ZNF568: variants seen among roughly 807,000 people sequenced by gnomAD.
The protein encoded by ZNF568 is zinc finger protein 568.
ZNF568 carries 11 observed loss-of-function variants against 18.1 expected under a neutral mutation model. The observed-to-expected ratio is 0.61, with a 90% CI of 0.38 to 1.00. The LOEUF is 1.00. ZNF568 is among the 50% of genes least tolerant of loss of function. The pLI is 0.01. For missense variants in ZNF568, 639 were observed against 768.2 expected, an observed-to-expected ratio of 0.83 and a Z score of 1.99; for synonymous variants, 213 against 246.6, an observed-to-expected ratio of 0.86 and a Z score of 1.28.
At chr19:36,960,721 T>TC (rs1174921385) in intron 6 of ZNF568, among the ~76,000 whole-genome samples, 1 of 147,338 alleles carries the variant, frequency 6.8e-6, no homozygotes, top group Non-Finnish European at 1.5e-5. Flanking sequence ...AGAGTGAAAC[T>TC]CCATCTCAAA....
At chr19:36,983,876 C>T (rs1304576260), downstream of ZNF568, among the ~76,000 whole-genome samples, 1 of 143,804 alleles carries the variant, frequency 7.0e-6, no homozygotes, top group Non-Finnish European at 1.5e-5. Context: ...TTTTTGACAA[C>T]TTTGACCAAC....
At chr19:36,974,431 G>A (rs1568403450) in exon 7 of ZNF568, 10 of 1,536,108 alleles carry the variant, frequency 6.5e-6, no homozygotes, top group Non-Finnish European at 8.7e-6. Flanking sequence ...ACCCAGAAGA[G>A]GAGAGAACTG....
chr19:36,976,364 A>G (rs2074285290), intron 7 of ZNF568: 1 of 152,128 alleles, frequency 6.6e-6, no homozygotes, highest in African/African-American at 2.4e-5. Flanking sequence ...ACCCTATTAG[A>G]CAGGTATGAC....
chr19:36,958,635 T>TTTTTTTTTTTTTTTTTTTTTTTTTTC (rs1568398128), intron 6 of ZNF568, among the ~76,000 whole-genome samples: 3 of 145,250 alleles, frequency 2.1e-5, no homozygotes, highest in African/African-American at 7.7e-5. Flanking sequence ...TTTTTTTTTT[T>TTTTTTTTTTTTTTTTTTTTTTTTTTC]TTTGAGACAG....
chr19:36,991,361 A>C, intron 3 of ZNF568: 1 of 1,454,018 alleles, frequency 6.9e-7, no homozygotes. Context: ...GGCCTTCTGG[A>C]ATTCTTATGT....
chr19:36,990,602 G>A (rs2074415386), intron 2 of ZNF568, among the ~76,000 whole-genome samples: 1 of 152,186 alleles, frequency 6.6e-6, no homozygotes, highest in Non-Finnish European at 1.5e-5. Flanking sequence ...GCACCCAAGT[G>A]AGACTCTGTC....
chr19:36,969,721 C>T (rs2074222125), intron 6 of ZNF568, among the ~76,000 whole-genome samples: 1 of 151,336 alleles, frequency 6.6e-6, no homozygotes, highest in African/African-American at 2.4e-5. Flanking sequence ...TCCTGCCTTC[C>T]TCTTTTAAGG....
At chr19:36,997,685 A>G (rs1399054602), downstream of ZNF568, 1 of 1,002,882 alleles carries the variant, frequency 1.0e-6, no homozygotes, top group Non-Finnish European at 1.5e-6. Context: ...CTTAGTCAAC[A>G]TCAAAGAATT....
Position 36,949,671 on chromosome 19 carries a change from A to G in ZNF568, c.518A>G (p.Gln173Arg), listed in dbSNP as rs1438351997. The G allele has an allele frequency of 6.2e-7, 1 of 1,613,892 alleles. No individual in the cohort carries two copies. Among genetic ancestry groups the G allele is most frequent in the Middle Eastern group, 1.7e-4 (1 of 6,056 alleles). The stretch of plus-strand genomic sequence containing the variant: ...AGTTCAGACATTGTTACTTCAAGAC[A>G]AAGCTTCTATGACTGTGACTCACTT... ...PLSSDIVTSR[Q>R]SFYDCDSLDK... The change falls in exon 7 of 7, where the codon CAA (glutamine) becomes CGA (arginine). Residue 173 changes from glutamine (Q) to arginine (R), a missense_variant. Physicochemically the swap from Gln to Arg is conservative, Grantham distance 43. Transcript: ENST00000333987.
At chr19:36,940,035 A>C (rs894174888) in intron 6 of ZNF568, among the ~76,000 whole-genome samples, 4 of 151,796 alleles carry the variant, frequency 2.6e-5, no homozygotes, top group Non-Finnish European at 5.9e-5. Context: ...TTTATTGTTT[A>C]TTTCTTCTTC....
chr19:36,928,127 GCTGACCTCAAGTGATT>G (rs1038312358), intron 4 of ZNF568, among the ~76,000 whole-genome samples: 5 of 150,442 alleles, frequency 3.3e-5, no homozygotes, highest in African/African-American at 9.8e-5. Flanking sequence ...TGTTGGCCAG[GCTGACCTCAAGTGATT>G]CTGACCTCAA....
chr19:36,918,677 C>T (rs942676262), intron 2 of ZNF568, among the ~76,000 whole-genome samples: 2 of 152,128 alleles, frequency 1.3e-5, no homozygotes, highest in African/African-American at 2.4e-5. Context: ...TATAAGTGTA[C>T]AGTTCAGTGG....
chr19:36,967,507 G>A (rs746554061), intron 6 of ZNF568, among the ~76,000 whole-genome samples: 31 of 152,150 alleles, frequency 2.0e-4, no homozygotes, highest in Non-Finnish European at 3.8e-4. Flanking sequence ...ATATTACAGT[G>A]AGCTGAGATA....
intron 7 of ZNF568, chr19:36,976,503 TAA>T (rs2074286361): frequency 6.6e-6 from 1 of 152,164 alleles, no homozygotes; most frequent in Admixed American, 6.5e-5. Flanking sequence ...TCCTAGTATA[TAA>T]AGTTATAAGG....
rs763939176 is a variant in ZNF568 at position 36,925,262 on chromosome 19, C to T, written c.135+4C>T. The T allele has an allele frequency of 2.2e-5, 35 of 1,613,250 alleles. No individual in the cohort carries two copies. The highest frequency in any genetic ancestry group is 1.8e-4 in the Admixed American group (11 of 59,996). On this transcript the variant is annotated splice_donor_region_variant and intron_variant, in intron 4 of 6. Transcript: ENST00000333987. ...AGAGGATACAACCAGGCCTCTTGTA[C>T]GTCTTAAGCATTTATTTGTTTCCTG... is the stretch of plus-strand genomic sequence containing the variant.
chr19:36,952,038 CTTTT>C lies in ZNF568; in HGVS notation c.*964_*967del. ...TGTCTATGACGTTGAGGCCAAGGAG[CTTTT>C]TTTTTTTTTTTTTCAAGACAAAAGG... On this transcript the variant is annotated 3_prime_UTR_variant, in exon 7 of 7. Transcript: ENST00000333987. 32 of 879,088 alleles carry C rather than the reference CTTTT, an allele frequency of 3.6e-5. No individual in the cohort carries two copies. Among genetic ancestry groups the C allele is most frequent in the African/African-American group, 6.8e-5 (3 of 44,260 alleles). 54.5% of individuals were successfully genotyped at this position (879,088 alleles called of 1,614,324 possible).
chr19:36,984,190 C>T (rs1399317332), downstream of ZNF568, among the ~76,000 whole-genome samples: 1 of 152,168 alleles, frequency 6.6e-6, no homozygotes, highest in Non-Finnish European at 1.5e-5. Context: ...TGAGCCACCG[C>T]ACCTGGCGAC....
intron 4 of ZNF568, among the ~76,000 whole-genome samples, chr19:36,927,887 T>TATATATATTATA (rs1491142078): frequency 1.3e-4 from 5 of 39,036 alleles, no homozygotes; most frequent in African/African-American, 5.5e-4. Flanking sequence ...TATATATATA[T>TATATATATTATA]TATATATATA....
At chr19:36,966,439 G>A (rs1231563512) in intron 6 of ZNF568, among the ~76,000 whole-genome samples, 2 of 152,180 alleles carry the variant, frequency 1.3e-5, no homozygotes, top group African/African-American at 4.8e-5. Flanking sequence ...GCTGTACCTT[G>A]CTAGGTAGAA....
Sources: allele counts gnomAD v4.1 joint callset (sites outside exome capture counted in the v4.1 genomes callset), GRCh38; gene constraint gnomAD v4.1.1; transcripts MANE v1.5; gene names NCBI Gene and HGNC (gene_info 2026-07-23, HGNC 2026-07-21).